Variants in CDH13 observed in about 807,000 individuals in gnomAD.
CDH13 encodes cadherin-13.
Under a neutral mutation model 63.8 loss-of-function variants are expected in CDH13, and 24 were observed. The observed-to-expected ratio is 0.38, with a 90% CI of 0.27 to 0.53. The LOEUF (loss-of-function observed/expected upper bound fraction) is 0.53, where lower values mean the gene tolerates loss of function less well. Among genes scored for constraint, CDH13 ranks in the 20% least tolerant of loss-of-function variants. The pLI, the probability that CDH13 is intolerant of heterozygous loss-of-function variation, is 0.85. For missense variants in CDH13, 1,049 were observed against 903.1 expected, an observed-to-expected ratio of 1.16 and a Z score of -2.07; for synonymous variants, 503 against 355.3, an observed-to-expected ratio of 1.42 and a Z score of -4.67.
intron 4 of CDH13, among the ~76,000 whole-genome samples, chr16:83,203,503 G>C (rs1039848412): frequency 2.0e-5 from 3 of 151,400 alleles, no homozygotes; most frequent in Non-Finnish European, 2.9e-5. Context: ...TGGCTAACAT[G>C]GTGAAACCCC....
At chr16:82,729,141 T>C (rs1450883317) in intron 1 of CDH13, among the ~76,000 whole-genome samples, 1 of 152,196 alleles carries the variant, frequency 6.6e-6, no homozygotes, top group African/African-American at 2.4e-5. Context: ...AAGTCATCTA[T>C]GAAGGCTAGA....
At chr16:83,430,336 C>T (rs1023292143) in intron 6 of CDH13, among the ~76,000 whole-genome samples, 1 of 152,096 alleles carries the variant, frequency 6.6e-6, no homozygotes, top group African/African-American at 2.4e-5. Context: ...ACACATACTC[C>T]CACACAGCAT....
intron 1 of CDH13, among the ~76,000 whole-genome samples, chr16:82,700,081 A>G (rs969157705): frequency 6.6e-6 from 1 of 151,308 alleles, no homozygotes; most frequent in Admixed American, 6.6e-5. Context: ...TATTTTATGG[A>G]TATTAGTTCA....
chr16:82,838,629 T>G (rs1305344899), intron 1 of CDH13, among the ~76,000 whole-genome samples: 1 of 152,182 alleles, frequency 6.6e-6, no homozygotes, highest in East Asian at 1.9e-4. Flanking sequence ...ATGAGCCTAA[T>G]TTGAAAAAAA....
At chr16:83,102,949 T>TTTTTTTTTTTTTTTTTTTTTTTTTTTC (rs2034567139) in intron 3 of CDH13, among the ~76,000 whole-genome samples, 2 of 45,324 alleles carry the variant, frequency 4.4e-5, no homozygotes, top group Admixed American at 2.2e-4. Flanking sequence ...TTTCTTTTTC[T>TTTTTTTTTTTTTTTTTTTTTTTTTTTC]TTTTTTTTTT....
intron 1 of CDH13, among the ~76,000 whole-genome samples, chr16:82,714,906 A>G (rs1451833949): frequency 7.8e-6 from 1 of 127,476 alleles, no homozygotes; most frequent in Non-Finnish European, 1.7e-5. Flanking sequence ...CTTTTCTGAC[A>G]CTTTGATTTC....
At chr16:83,488,125 A>G (rs2073934155) in intron 7 of CDH13, among the ~76,000 whole-genome samples, 1 of 152,224 alleles carries the variant, frequency 6.6e-6, no homozygotes, top group African/African-American at 2.4e-5. Flanking sequence ...TGAAATCAAG[A>G]TGTAAAAATC....
At chr16:82,951,890 C>G (rs1326843309) in intron 2 of CDH13, among the ~76,000 whole-genome samples, 2 of 152,146 alleles carry the variant, frequency 1.3e-5, no homozygotes, top group Admixed American at 6.6e-5. Flanking sequence ...AGAAGTGCAA[C>G]AAAGAGATGA....
chr16:83,036,956 G>T (rs1021192446), intron 3 of CDH13, among the ~76,000 whole-genome samples: 1 of 152,180 alleles, frequency 6.6e-6, no homozygotes, highest in Admixed American at 6.5e-5. Context: ...ATGGGAACAT[G>T]TGGGCAGACA....
intron 1 of CDH13, among the ~76,000 whole-genome samples, chr16:82,790,040 A>G (rs1293162036): frequency 6.6e-6 from 1 of 152,086 alleles, no homozygotes; most frequent in Non-Finnish European, 1.5e-5. Flanking sequence ...TCTTACCTAG[A>G]TATTCTGGTG....
In CDH13 at chr16:83,273,309, GT is replaced by G. The variant is rs374554190; in HGVS notation, c.636+55819del. Among the ~76,000 whole-genome samples the G allele has an allele frequency of 8.5e-3, 1,291 of 152,144 alleles. 11 individuals are homozygous for G. The highest frequency in any genetic ancestry group is 0.029 in the African/African-American group (1,223 of 41,512). The stretch of plus-strand genomic sequence containing the variant: ...TACTAAGCATAATACCCAATAGGTA[GT>G]TTTTTTCAATCCTCTCCCACCCCCA... On this transcript the variant is annotated intron_variant, in intron 5 of 13. Transcript: ENST00000567109.
chr16:82,865,619 A>T (rs903210045), intron 2 of CDH13, among the ~76,000 whole-genome samples: 6 of 152,116 alleles, frequency 3.9e-5, no homozygotes, highest in African/African-American at 7.2e-5. Context: ...GGCCCATGAG[A>T]CCATTTTTTC....
chr16:82,649,161 C>G (rs1013021947), intron 1 of CDH13, among the ~76,000 whole-genome samples: 1 of 152,152 alleles, frequency 6.6e-6, no homozygotes, highest in Admixed American at 6.5e-5. Flanking sequence ...ATATGCTATG[C>G]TTTTAATATT....
intron 1 of CDH13, among the ~76,000 whole-genome samples, chr16:82,780,394 G>T (rs1175704335): frequency 3.3e-5 from 5 of 152,154 alleles, no homozygotes; most frequent in Non-Finnish European, 7.4e-5. Context: ...CGGGACCAGA[G>T]GATGTAAATA....
rs970677776 is a variant in CDH13 at position 83,042,792 on chromosome 16, G to C, written c.366+10574G>C. On this transcript the variant is annotated intron_variant, in intron 3 of 13. Transcript: ENST00000567109. ...GAGTGACATGGAATCTGTTGACTTG[G>C]GTGATTATATCGATCCTGCTTACAT... Among the ~76,000 whole-genome samples the C allele has an allele frequency of 4.6e-5, 7 of 152,156 alleles. No homozygotes were observed. In the East Asian group the frequency reaches 9.6e-4, roughly 21 times the overall value.
At chr16:82,664,463 C>A (rs1912351634) in intron 1 of CDH13, among the ~76,000 whole-genome samples, 1 of 152,188 alleles carries the variant, frequency 6.6e-6, no homozygotes, top group African/African-American at 2.4e-5. Flanking sequence ...GGAAAAGCTG[C>A]CAGCCAGTGA....
intron 1 of CDH13, among the ~76,000 whole-genome samples, chr16:82,807,352 C>G (rs999921104): frequency 6.6e-6 from 1 of 152,120 alleles, no homozygotes; most frequent in African/African-American, 2.4e-5. Flanking sequence ...TATTTGTTGA[C>G]TGAAGAAATG....
chr16:83,391,190 G>C lies in CDH13; in HGVS notation c.781+46184G>C, dbSNP rs147236379. On this transcript the variant is annotated intron_variant, in intron 6 of 13. Transcript: ENST00000567109. ...TAGTATCCTTCTGTGACATTCATAA[G>C]ATGTTAACCTGCCTACACACTTTTT... is the stretch of plus-strand genomic sequence containing the variant. Among the ~76,000 whole-genome samples the C allele has an allele frequency of 8.5e-3, 1,288 of 151,140 alleles. 13 individuals are homozygous for C. The highest frequency in any genetic ancestry group is 0.054 in the East Asian group (276 of 5,154).
intron 6 of CDH13, among the ~76,000 whole-genome samples, chr16:83,478,812 G>A (rs1472833235): frequency 6.9e-6 from 1 of 144,512 alleles, no homozygotes; most frequent in Non-Finnish European, 1.5e-5. Flanking sequence ...CACCTGGCTG[G>A]CCAGTAGAGT....
Sources: allele counts gnomAD v4.1 joint callset (sites outside exome capture counted in the v4.1 genomes callset), GRCh38; gene constraint gnomAD v4.1.1; transcripts MANE v1.5; gene names NCBI Gene and HGNC (gene_info 2026-07-23, HGNC 2026-07-21).